MYO5A: variants seen among roughly 807,000 people sequenced by gnomAD.
MYO5A encodes unconventional myosin-Va.
Under a neutral mutation model 249.7 loss-of-function variants are expected in MYO5A, and 98 were observed. The ratio of observed to expected loss-of-function variants is 0.39; its 90% CI spans 0.33 to 0.46. MYO5A has a LOEUF of 0.46. Among genes scored for constraint, MYO5A ranks in the 20% least tolerant of loss-of-function variants. MYO5A has a pLI of 0.98. For missense variants in MYO5A, 1,696 were observed against 2,308.8 expected (o/e 0.73, Z 5.44); for synonymous variants, 778 against 810.6 (o/e 0.96, Z 0.68).
chr15:52,485,259 T>TAAAAAAAAAAAAAAAAAAACAAAA (rs2076794756), intron 1 of MYO5A, among the ~76,000 whole-genome samples: 1 of 102,762 alleles, frequency 9.7e-6, no homozygotes, highest in African/African-American at 3.6e-5. Context: ...ATTCACTATG[T>TAAAAAAAAAAAAAAAAAAACAAAA]AAAAAAAAAA....
chr15:52,458,498 T>C (rs1825804853), intron 1 of MYO5A, among the ~76,000 whole-genome samples: 1 of 151,828 alleles, frequency 6.6e-6, no homozygotes, highest in South Asian at 2.1e-4. Flanking sequence ...CATGCACCTG[T>C]AGTCCCCGCC....
intron 15 of MYO5A, 104 bp from the exon 16 acceptor site, chr15:52,383,292 T>C: frequency 1.1e-6 from 1 of 950,870 alleles, no homozygotes; most frequent in South Asian, 1.3e-5. Context: ...GGAGAAAACT[T>C]TGCCACTTAT....
chr15:52,478,184 G>T (rs1160181252), intron 1 of MYO5A, among the ~76,000 whole-genome samples: 4 of 152,190 alleles, frequency 2.6e-5, no homozygotes, highest in African/African-American at 9.7e-5. Context: ...AGTGAGCAAG[G>T]CTCTATGGGT....
intron 3 of MYO5A, among the ~76,000 whole-genome samples, chr15:52,427,647 G>A (rs578197082): frequency 1.6e-4 from 24 of 152,302 alleles, no homozygotes; most frequent in African/African-American, 5.5e-4. Context: ...TAAAACAGGA[G>A]AGTAATGAAG....
At chr15:52,505,310 T>G (rs973382951) in intron 1 of MYO5A, 13 of 776,914 alleles carry the variant, frequency 1.7e-5, no homozygotes, top group Admixed American at 1.4e-4. Flanking sequence ...TTTGAAGCAG[T>G]GCCCCGCCCA....
chr15:52,372,442 T>C, intron 20 of MYO5A, 79 bp from the exon 21 acceptor site: 1 of 1,562,100 alleles, frequency 6.4e-7, no homozygotes, highest in Non-Finnish European at 8.7e-7. Flanking sequence ...GGGCTGAAAA[T>C]CCACACATTA....
At chr15:52,453,159 A>G (rs1165873582) in intron 1 of MYO5A, among the ~76,000 whole-genome samples, 1 of 152,210 alleles carries the variant, frequency 6.6e-6, no homozygotes, top group African/African-American at 2.4e-5. Flanking sequence ...AAGGACAAAC[A>G]GAGGGTCCTA....
At chr15:52,479,021 A>G (rs28787300) in intron 1 of MYO5A, among the ~76,000 whole-genome samples, 1,946 of 151,590 alleles carry the variant, frequency 0.013, 36 homozygotes, top group African/African-American at 0.046. Flanking sequence ...TTTAAGATGG[A>G]GTCTCGCTCT....
chr15:52,348,671 G>A, intron 29 of MYO5A, 147 bp downstream of exon 29: 6 of 707,394 alleles, frequency 8.5e-6, no homozygotes, highest in East Asian at 5.5e-5. Context: ...AAATCAGAAG[G>A]AGTCAAATCG....
At chr15:52,364,505 A>T (rs1434048228) in intron 24 of MYO5A, 49 bp downstream of exon 24, 1 of 1,538,204 alleles carries the variant, frequency 6.5e-7, no homozygotes, top group Non-Finnish European at 8.9e-7. Flanking sequence ...TTACTTTTGT[A>T]TATGTTTAAA....
At position 52,319,250 on chromosome 15, in the gene MYO5A, C is replaced by T; in HGVS notation, c.5044G>A (p.Gly1682Ser). Residue 1682 changes from glycine to serine, a missense_variant, in exon 39 of 42, where the codon GGC becomes AGC. Coordinates refer to ENST00000399233, the MANE Select transcript of MYO5A (RefSeq NM_001382347.1). ...RKRTSSIADE[G>S]TYTLDSILRQ... The stretch of plus-strand genomic sequence containing the variant: ...AGGATGGAGTCCAGTGTGTAGGTGC[C>T]CTCATCGGCGATACTGGAGGTTCGC... 6.2e-7 allele frequency: 1 copy of T among 1,614,112 alleles called. No homozygotes were observed. Among genetic ancestry groups the T allele is most frequent in the Non-Finnish European group, 8.5e-7 (1 of 1,179,998 alleles).
Position 52,488,188 on chromosome 15 carries a change from CAAAAGACAGAGAAGGATTAAAAAAAAA to C in MYO5A, c.27+40565_27+40591del, listed in dbSNP as rs2076863876. ...TTGTTGCATAGTATTCACCAGGACT[CAAAAGACAGAGAAGGATTAAAAAAAAA>C]AAAAGACAGAGAAGCTTATTTTTGT... is the stretch of plus-strand genomic sequence containing the variant. On this transcript the variant is annotated intron_variant, in intron 1 of 41. Coordinates refer to ENST00000399233, the MANE Select transcript of MYO5A (RefSeq NM_001382347.1). Among the ~76,000 whole-genome samples, 2 of 140,546 alleles carry C rather than the reference CAAAAGACAGAGAAGGATTAAAAAAAAA, an allele frequency of 1.4e-5. 1 individual carries two copies. Among genetic ancestry groups the C allele is most frequent in the South Asian group, 4.8e-4 (2 of 4,128 alleles). 92.2% of individuals were successfully genotyped at this position (140,546 alleles called of 152,430 possible).
chr15:52,395,181 G>C (rs1191965064), intron 11 of MYO5A, among the ~76,000 whole-genome samples: 1 of 152,058 alleles, frequency 6.6e-6, no homozygotes, highest in African/African-American at 2.4e-5. Flanking sequence ...TATTTCTAAA[G>C]AGTATGCTTA....
chr15:52,313,505 C>T lies in MYO5A; in HGVS notation c.*191G>A, dbSNP rs1596259576. The T allele has an allele frequency of 8.5e-6, 6 of 709,386 alleles. No individual in the cohort carries two copies. In the East Asian group the frequency reaches 1.7e-4, roughly 20 times the overall value. 43.9% of individuals were successfully genotyped at this position (709,386 alleles called of 1,614,324 possible). On this transcript the variant is annotated 3_prime_UTR_variant, in exon 42 of 42. Transcript: ENST00000399233. The stretch of plus-strand genomic sequence containing the variant: ...GATGAGTGTTGCTATAAAGATAACA[C>T]AGCACGAAAGAGCCTATCTTTGTTT...
Position 52,427,734 on chromosome 15 carries a change from T to C in MYO5A, c.310+664A>G, listed in dbSNP as rs374929845. On this transcript the variant is annotated intron_variant, in intron 3 of 41. Transcript: ENST00000399233. ...TTTGAGCTTCCGAGGACAGAGTGAT[T>C]AGTGAAAGAATGGTAAGACGTCAGC... Among the ~76,000 whole-genome samples, 8 of 151,854 alleles carry C rather than the reference T, an allele frequency of 5.3e-5. No individual in the cohort carries two copies. The East Asian group carries it at 1.2e-3, about 22-fold the overall frequency.
chr15:52,452,449 C>T (rs973672638), intron 1 of MYO5A, among the ~76,000 whole-genome samples: 8 of 152,186 alleles, frequency 5.3e-5, no homozygotes, highest in African/African-American at 1.9e-4. Context: ...ATCATGAGTG[C>T]CTGAAGGGTG....
intron 1 of MYO5A, among the ~76,000 whole-genome samples, chr15:52,473,362 G>C (rs925289562): frequency 6.6e-6 from 1 of 152,168 alleles, no homozygotes; most frequent in African/African-American, 2.4e-5. Context: ...CACTCTGATA[G>C]TAGTTTCTTT....
intron 11 of MYO5A, among the ~76,000 whole-genome samples, chr15:52,394,410 A>C (rs1045783136): frequency 6.6e-6 from 1 of 152,248 alleles, no homozygotes; most frequent in African/African-American, 2.4e-5. Flanking sequence ...GAGATAAGCA[A>C]GTTAAGAGGA....
chr15:52,345,378 T>G (rs527998369), intron 30 of MYO5A, among the ~76,000 whole-genome samples: 40 of 151,926 alleles, frequency 2.6e-4, no homozygotes, highest in Non-Finnish European at 5.1e-4. Flanking sequence ...GGCCTGGAGC[T>G]CGGGACGACC....
Sources: gnomAD v4.1 joint callset for allele counts (sites outside exome capture counted in the v4.1 genomes callset) on GRCh38, gnomAD v4.1.1 for gene constraint, MANE v1.5 for transcripts, NCBI Gene and HGNC (gene_info 2026-07-23, HGNC 2026-07-21) for gene names.